The following SALL1 variants were observed in gnomAD, a reference collection of about 807,000 sequenced individuals.
SALL1 encodes spalt like transcription factor 1.
SALL1 carries 10 observed loss-of-function variants against 73.1 expected under a neutral mutation model. That is an observed-to-expected ratio of 0.14 (90% CI 0.08 to 0.23). SALL1 has a LOEUF of 0.23. Ranked by LOEUF, SALL1 falls within the 10% of genes least tolerant of loss-of-function variation. The pLI is 1.00. For missense variants in SALL1, 1,520 were observed against 1,697.3 expected (o/e 0.90, Z 1.84); for synonymous variants, 688 against 689.8 (o/e 1.00, Z 0.04).
At position 51,136,115 on chromosome 16, in the gene SALL1, G is replaced by T. The variant is rs116971887; in HGVS notation, c.*997C>A. Reference sequence around the variant, plus strand: ...CTTTCAACTTTCCAAGAAAGTGCATGTAACAGTCCAATTTTTTTCTTCCAT... The same window carrying T: ...CTTTCAACTTTCCAAGAAAGTGCATTTAACAGTCCAATTTTTTTCTTCCAT... On this transcript the variant is annotated 3_prime_UTR_variant, in exon 3 of 3. Transcript: ENST00000251020. The T allele has an allele frequency of 0.031, 4,790 of 152,686 alleles. 114 individuals carry two copies. The highest frequency in any genetic ancestry group is 0.082 in the Middle Eastern group (24 of 294). The allele number at this position is 152,686 out of a possible 1,614,324, so 9.5% of individuals were successfully genotyped here.
chr16:51,150,759 G>A (rs1424934009), intron 1 of SALL1: 6 of 240,788 alleles, frequency 2.5e-5, no homozygotes, highest in Non-Finnish European at 3.4e-5. Context: ...CCCTGGGGCC[G>A]GCGCCGGGAG....
In SALL1 at chr16:51,139,244, C is replaced by A; in HGVS notation, c.2978G>T (p.Arg993Ile). 6.2e-7 allele frequency: 1 copy of A among 1,614,192 alleles called. No homozygotes were observed. Among genetic ancestry groups the A allele is most frequent in the South Asian group, 1.1e-5 (1 of 91,078 alleles). The change falls in exon 2 of 3, where the codon AGA becomes ATA. Residue 993 changes from arginine (R) to isoleucine (I), a missense_variant. Arg to Ile is a moderately conservative substitution (Grantham distance 97). Transcript: ENST00000251020. The stretch of plus-strand genomic sequence containing the variant: ...AGTGTTTTTAAATTTACCCCGGTCT[C>A]TAAAAGGGAAGAGGATCCCCAAAGA... ...EDSLGILFPF[R>I]DRGKFKNTAC...
chr16:51,137,436 G>C lies in SALL1; in HGVS notation c.3651C>G (p.Phe1217Leu). ...CTGATCTTGCCGCCAAATCCTTCTG[G>C]AACATTTCTGGGAACTTGACGGGAT... ...GGNPVKFPEM[F>L]QKDLAARSGS... The change falls in exon 3 of 3, where the codon TTC (phenylalanine) becomes TTG (leucine). Residue 1217 changes from phenylalanine to leucine, a missense_variant. Phe to Leu is a conservative substitution (Grantham distance 22). This residue lies in a region of SALL1 where 318 missense variants were observed against 357.1 expected (regional missense o/e 0.89). Coordinates refer to ENST00000251020, the MANE Select transcript of SALL1 (RefSeq NM_002968.3). 1 of 1,614,066 alleles carries C rather than the reference G, an allele frequency of 6.2e-7. No homozygotes were observed. The highest frequency in any genetic ancestry group is 8.5e-7 in the Non-Finnish European group (1 of 1,180,020).
In SALL1 at chr16:51,137,039, G is replaced by A; in HGVS notation, c.*73C>T. 2 of 1,396,208 alleles carry A rather than the reference G, an allele frequency of 1.4e-6. No homozygotes were observed. Among genetic ancestry groups the A allele is most frequent in the Non-Finnish European group, 2.0e-6 (2 of 995,064 alleles). The allele number at this position is 1,396,208 out of a possible 1,614,324, so 86.5% of individuals were successfully genotyped here. On this transcript the variant is annotated 3_prime_UTR_variant, in exon 3 of 3. Coordinates refer to ENST00000251020, the MANE Select transcript of SALL1 (RefSeq NM_002968.3). ...AAGGAAGGGGCGGGGCGGGGTGGGG[G>A]GCAAGGAGTAGGAGGCCACCATAGG...
chr16:51,150,013 C>T (rs963164073), intron 1 of SALL1, among the ~76,000 whole-genome samples: 7 of 152,154 alleles, frequency 4.6e-5, no homozygotes, highest in African/African-American at 1.4e-4. Flanking sequence ...GCCGGGACGA[C>T]CCGGGGACCC....
chr16:51,150,562 C>G (rs1009949747), intron 1 of SALL1: 10 of 986,046 alleles, frequency 1.0e-5, no homozygotes, highest in Non-Finnish European at 1.2e-5. Context: ...GCCCCGACAC[C>G]AGTCCCCATC....
rs1567316470 is a variant in SALL1, at chr16:51,141,729, AGCTGCCGCCGCCGCCGCTGCT to A, written c.472_492del (p.Gly160_Ser166del). The stretch of plus-strand genomic sequence containing the variant: ...GTGATCGCTGAGGTACCTGTGGAGG[AGCTGCCGCCGCCGCCGCTGCT>A]GCTGCTGCTGCTGCTGCTGCTGCTT... On this transcript the variant is annotated inframe_deletion, in exon 2 of 3. Coordinates refer to ENST00000251020, the MANE Select transcript of SALL1 (RefSeq NM_002968.3). This position sits in a 1 kb window ranked among gnomAD's most constrained non-coding sequence, Gnocchi z 5.4. The A allele has an allele frequency of 2.5e-6, 4 of 1,612,222 alleles. No homozygotes were observed. The South Asian group carries it at 3.3e-5, about 13-fold the overall frequency.
At chr16:51,145,766 A>G (rs1962506722) in intron 1 of SALL1, among the ~76,000 whole-genome samples, 1 of 152,200 alleles carries the variant, frequency 6.6e-6, no homozygotes. Context: ...CCAGGAAGGG[A>G]AAAAACAAAA....
At chr16:51,151,326 G>A (rs1218234857), upstream of SALL1, 4 of 1,083,228 alleles carry the variant, frequency 3.7e-6, no homozygotes, top group South Asian at 2.3e-5. Flanking sequence ...CGGCGGCGGC[G>A]GCGGCGGCTC....
chr16:51,140,507 G>A lies in SALL1; in HGVS notation c.1715C>T (p.Thr572Met), dbSNP rs373471563. ...TLPSLIPFIK[T>M]EEPAPIPISH... Reference sequence around the variant, plus strand: ...GATGGGGATGGGGGCTGGCTCTTCCGTCTTGATGAAGGGTATGAGGCTTGG... The same window carrying A: ...GATGGGGATGGGGGCTGGCTCTTCCATCTTGATGAAGGGTATGAGGCTTGG... The change falls in exon 2 of 3, where the codon ACG (threonine) becomes ATG (methionine). Residue 572 changes from threonine (T) to methionine (M), a missense_variant. By Grantham distance (81) the Thr-to-Met change is moderately conservative. Around this residue, in one of 7 missense-constraint regions of SALL1, gnomAD observed 276 missense variants for 259.1 expected, o/e 1.07. Coordinates refer to ENST00000251020, the MANE Select transcript of SALL1 (RefSeq NM_002968.3). The surrounding 1 kb of genome is among the most constrained non-coding windows in gnomAD (Gnocchi z 5.7). The A allele has an allele frequency of 2.3e-4, 376 of 1,613,862 alleles. 1 individual carries two copies. Among genetic ancestry groups the A allele is most frequent in the Non-Finnish European group, 2.8e-4 (330 of 1,179,952 alleles).
chr16:51,140,282 G>A lies in SALL1; in HGVS notation c.1940C>T (p.Ala647Val). 1 of 1,614,130 alleles carries A rather than the reference G, an allele frequency of 6.2e-7. No homozygotes were observed. The highest frequency in any genetic ancestry group is 8.5e-7 in the Non-Finnish European group (1 of 1,180,042). Reference sequence around the variant, plus strand: ...GGCACTGCCCGCGGGGCCGCAGTCTGCCGCTGGGGAGCTCAGGACGCTACT... The same window carrying A: ...GGCACTGCCCGCGGGGCCGCAGTCTACCGCTGGGGAGCTCAGGACGCTACT... ...ASSSVLSSPA[A>V]DCGPAGSATT... Residue 647 changes from alanine to valine, a missense_variant, in exon 2 of 3, where the codon GCA becomes GTA. Ala to Val is a moderately conservative substitution (Grantham distance 64, BLOSUM62 0). Transcript: ENST00000251020. This position sits in a 1 kb window ranked among gnomAD's most constrained non-coding sequence, Gnocchi z 5.7.
intron 1 of SALL1, among the ~76,000 whole-genome samples, chr16:51,147,881 A>C (rs1474401919): frequency 6.6e-6 from 1 of 152,010 alleles, no homozygotes; most frequent in African/African-American, 2.4e-5. Context: ...CCACATATAA[A>C]ATCATTAGAT....
At position 51,140,681 on chromosome 16, in the gene SALL1, G is replaced by A; in HGVS notation, c.1541C>T (p.Pro514Leu). 1 of 1,614,176 alleles carries A rather than the reference G, an allele frequency of 6.2e-7. No homozygotes were observed. The highest frequency in any genetic ancestry group is 8.5e-7 in the Non-Finnish European group (1 of 1,180,036). The change falls in exon 2 of 3, where the codon CCT (proline) becomes CTT (leucine). Residue 514 changes from proline (P) to leucine (L), a missense_variant. This residue lies in a region of SALL1 where 276 missense variants were observed against 259.1 expected (regional missense o/e 1.07). Coordinates refer to ENST00000251020, the MANE Select transcript of SALL1 (RefSeq NM_002968.3). The surrounding 1 kb of genome is among the most constrained non-coding windows in gnomAD (Gnocchi z 5.7). The part of the protein sequence containing the change: ...PHIQMNPYPV[P>L]EHLDNIPTST... ...CGTGGGGATATTGTCCAAATGCTCAGGCACAGGATAGGGGTTCATCTGGAT... is the reference window on the plus strand; with the variant it reads ...CGTGGGGATATTGTCCAAATGCTCAAGCACAGGATAGGGGTTCATCTGGAT...
chr16:51,142,236 T>C lies in SALL1; in HGVS notation c.77-91A>G, dbSNP rs59785450. 9,578 of 1,025,734 alleles carry C rather than the reference T, an allele frequency of 9.3e-3. 543 individuals are homozygous for C. The African/African-American group carries it at 0.13, about 14-fold the overall frequency. 63.5% of individuals were successfully genotyped at this position (1,025,734 alleles called of 1,614,324 possible). On this transcript the variant is annotated intron_variant, in intron 1 of 2. Coordinates refer to ENST00000251020, the MANE Select transcript of SALL1 (RefSeq NM_002968.3). ...AAAAAAAAAGGCTAATCAATGGTTT[T>C]CCACCTGCAAAACTCAAAACTGTAG...
intron 1 of SALL1, among the ~76,000 whole-genome samples, chr16:51,148,379 T>TA (rs1387363931): frequency 6.6e-6 from 1 of 152,266 alleles, no homozygotes; most frequent in Non-Finnish European, 1.5e-5. Context: ...GAGGTGCTGA[T>TA]AAATGAGAAG....
At position 51,140,243 on chromosome 16, in the gene SALL1, TTGG is replaced by T; in HGVS notation, c.1976_1978del (p.Thr659del). ...CTCGGACATGAGCGGCAACAAAGGG[TTGG>T]TGAAGGTGGTGGCACTGCCCGCGGG... On this transcript the variant is annotated inframe_deletion, in exon 2 of 3. Coordinates refer to ENST00000251020, the MANE Select transcript of SALL1 (RefSeq NM_002968.3). The surrounding 1 kb of genome is among the most constrained non-coding windows in gnomAD (Gnocchi z 5.7). 1 of 1,613,902 alleles carries T rather than the reference TTGG, an allele frequency of 6.2e-7. No homozygotes were observed. Among genetic ancestry groups the T allele is most frequent in the Non-Finnish European group, 8.5e-7 (1 of 1,179,960 alleles).
chr16:51,137,277 C>T lies in SALL1; in HGVS notation c.3810G>A (p.Gly1270=), dbSNP rs1962321564. The T allele has an allele frequency of 6.2e-7, 1 of 1,613,912 alleles. No homozygotes were observed. Among genetic ancestry groups the T allele is most frequent in the African/African-American group, 1.3e-5 (1 of 74,878 alleles). The change falls in exon 3 of 3, where the codon GGG becomes GGA. Residue 1270 remains glycine (G), a synonymous_variant. Transcript: ENST00000251020. ...TCAGCCCACTAACAGGTGAGCTGTT[C>T]CCACTGCCGAGGCTTCCAGGAATTG... ...IPPIPGSLGS[G]NSSPVSGLTG...
At chr16:51,150,762 G>T in intron 1 of SALL1, 1 of 232,056 alleles carries the variant, frequency 4.3e-6, no homozygotes, top group Non-Finnish European at 7.3e-6. Context: ...TGGGGCCGGC[G>T]CCGGGAGCGC....
Position 51,136,925 on chromosome 16 carries a change from TAATA to T in SALL1, c.*183_*186del. The T allele has an allele frequency of 1.6e-6, 1 of 610,760 alleles. No homozygotes were observed. The highest frequency in any genetic ancestry group is 2.9e-6 in the Non-Finnish European group (1 of 348,886). The allele number at this position is 610,760 out of a possible 1,614,324, so 37.8% of individuals were successfully genotyped here. ...TGTTTGCAAAGCAAGGTTATATCGC[TAATA>T]AATAAGCTTTCTTAGAACTCTAAAG... is the stretch of plus-strand genomic sequence containing the variant. On this transcript the variant is annotated 3_prime_UTR_variant, in exon 3 of 3. Transcript: ENST00000251020.
Sources: gnomAD v4.1 joint callset for allele counts (sites outside exome capture counted in the v4.1 genomes callset) on GRCh38, gnomAD v4.1.1 for gene constraint, gnomAD v4.1.1 regional missense constraint, Gnocchi (gnomAD v3.1) non-coding constraint, MANE v1.5 for transcripts, NCBI Gene and HGNC (gene_info 2026-07-23, HGNC 2026-07-21) for gene names.